TTC7A: variants seen among roughly 807,000 people sequenced by gnomAD.
The protein encoded by TTC7A is tetratricopeptide repeat domain 7A.
In TTC7A, 110 loss-of-function variants were observed where a neutral mutation model predicts 103.7. That is an observed-to-expected ratio of 1.06 (90% confidence interval 0.91 to 1.24). The LOEUF (loss-of-function observed/expected upper bound fraction) is 1.24. Ranked by LOEUF, TTC7A falls within the 50% of genes most tolerant of loss-of-function variation. The pLI, the probability that TTC7A is intolerant of heterozygous loss-of-function variation, is 0.00. For missense variants in TTC7A, 1,340 were observed against 1,116.3 expected, an observed-to-expected ratio of 1.20 and a Z score of -2.86; for synonymous variants, 521 against 467.9, an observed-to-expected ratio of 1.11 and a Z score of -1.47.
At chr2:46,983,377 G>T (rs530054123) in intron 5 of TTC7A, among the ~76,000 whole-genome samples, 2 of 152,206 alleles carry the variant, frequency 1.3e-5, no homozygotes, top group South Asian at 2.1e-4. Context: ...TCAGAGAAAC[G>T]GTGGCCTGGA....
At chr2:46,966,813 T>A (rs1387320067) in intron 3 of TTC7A, among the ~76,000 whole-genome samples, 1 of 148,676 alleles carries the variant, frequency 6.7e-6, no homozygotes, top group Non-Finnish European at 1.5e-5. Context: ...TTTTCGAAGA[T>A]AAATTCCTAG....
intron 11 of TTC7A, among the ~76,000 whole-genome samples, chr2:47,020,244 G>A (rs1679132368): frequency 6.6e-6 from 1 of 152,210 alleles, no homozygotes; most frequent in South Asian, 2.1e-4. Context: ...CAGGTGCTGA[G>A]CCAGGAGTGG....
intron 4 of TTC7A, among the ~76,000 whole-genome samples, chr2:46,975,545 C>A (rs576735510): frequency 6.6e-6 from 1 of 151,962 alleles, no homozygotes; most frequent in Admixed American, 6.5e-5. Context: ...GTCGGCAGGG[C>A]TCTGGCAGTT....
At chr2:47,067,473 G>A (rs903737997) in intron 19 of TTC7A, among the ~76,000 whole-genome samples, 1 of 152,226 alleles carries the variant, frequency 6.6e-6, no homozygotes, top group Non-Finnish European at 1.5e-5. Flanking sequence ...GCAGGGTGCT[G>A]AGAAGACAGG....
intron 8 of TTC7A, among the ~76,000 whole-genome samples, chr2:46,998,843 G>A (rs989590708): frequency 1.6e-4 from 25 of 152,100 alleles, no homozygotes; most frequent in African/African-American, 4.3e-4. Context: ...GACTATGTGC[G>A]ATCAGAATGA....
intron 2 of TTC7A, 33 bp downstream of exon 2, chr2:46,950,559 T>G (rs1290281899): frequency 6.2e-7 from 1 of 1,609,536 alleles, no homozygotes; most frequent in Non-Finnish European, 8.5e-7. Context: ...TGAGACCTCC[T>G]CTCCTCGTCT....
intron 15 of TTC7A, among the ~76,000 whole-genome samples, chr2:47,043,596 A>T (rs1681997017): frequency 1.3e-5 from 2 of 152,160 alleles, no homozygotes; most frequent in African/African-American, 4.8e-5. Context: ...ACAGAAGGTG[A>T]GGACCACAGG....
chr2:47,050,051 G>A lies in TTC7A; in HGVS notation c.2017+5G>A, dbSNP rs1360524525. On this transcript the variant is annotated splice_donor_5th_base_variant and intron_variant, in intron 17 of 19. Transcript: ENST00000319190. ...ATGCCCATGATGCAGACTCTGGTAA[G>A]AACGAGCTCCTTGGGCCACTGTGTG... 1.2e-6 allele frequency: 2 copies of A among 1,612,248 alleles called. No individual in the cohort carries two copies. The highest frequency in any genetic ancestry group is 1.7e-4 in the Middle Eastern group (1 of 6,060).
At chr2:47,000,054 GA>G (rs1260060462) in intron 8 of TTC7A, among the ~76,000 whole-genome samples, 9 of 152,180 alleles carry the variant, frequency 5.9e-5, no homozygotes, top group African/African-American at 2.2e-4. Flanking sequence ...CTGTAAAATG[GA>G]GCTAATAAGA....
At chr2:46,964,643 A>G (rs1445614256) in intron 3 of TTC7A, among the ~76,000 whole-genome samples, 1 of 152,020 alleles carries the variant, frequency 6.6e-6, no homozygotes, top group South Asian at 2.1e-4. Flanking sequence ...CAAATCACCC[A>G]CTTTTTTGTT....
intron 9 of TTC7A, 128 bp downstream of exon 9, chr2:47,006,187 G>C: frequency 8.2e-7 from 1 of 1,220,128 alleles, no homozygotes; most frequent in Non-Finnish European, 1.1e-6. Flanking sequence ...CTTTGACCTC[G>C]GCAAGTTGTA....
In TTC7A at chr2:47,060,773, G is replaced by A. The variant is rs766422348; in HGVS notation, c.2157G>A (p.Glu719=). The part of the protein sequence containing the change: ...TLEQIWLQAA[E]LFMEQQHLKE... ...ACTGCCCTTCTGCTTTTGCAGCTGA[G>A]CTGTTCATGGAGCAGCAGCACCTCA... The change falls in exon 19 of 20, where the codon GAG becomes GAA. Residue 719 remains glutamate, a synonymous_variant. Transcript: ENST00000319190. The A allele has an allele frequency of 6.3e-7, 1 of 1,599,950 alleles. No homozygotes were observed. The highest frequency in any genetic ancestry group is 1.7e-5 in the Admixed American group (1 of 59,656).
At chr2:46,946,551 G>A (rs893406660) in intron 1 of TTC7A, among the ~76,000 whole-genome samples, 1 of 152,152 alleles carries the variant, frequency 6.6e-6, no homozygotes, top group Non-Finnish European at 1.5e-5. Context: ...AGCCTTCCAA[G>A]TAGCTGGGAC....
rs1173541336 is a variant in TTC7A, at chr2:46,932,153, C to CT, written c.82+14890dup. Among the ~76,000 whole-genome samples the CT allele has an allele frequency of 3.9e-3, 557 of 144,104 alleles. 3 individuals are homozygous for CT. Among genetic ancestry groups the CT allele is most frequent in the Middle Eastern group, 0.011 (3 of 274 alleles). The allele number at this position is 144,104 out of a possible 152,430, so 94.5% of individuals were successfully genotyped here. A position where few individuals can be genotyped will look rare whatever the true frequency, so the allele number is the denominator to read the frequency against. The stretch of plus-strand genomic sequence containing the variant: ...AAAGCAATGTAGGGCTTCTGGGATT[C>CT]TTTTTTTTTTTTTTGAGACAGAGTC... On this transcript the variant is annotated intron_variant, in intron 2 of 20. Coordinates refer to the TTC7A transcript ENST00000409245.
Position 46,941,240 on chromosome 2 carries a change from C to G in TTC7A, c.-302C>G, listed in dbSNP as rs1301242523. The G allele has an allele frequency of 6.7e-6, 1 of 149,184 alleles. No homozygotes were observed. Among genetic ancestry groups the G allele is most frequent in the African/African-American group, 2.4e-5 (1 of 40,824 alleles). The allele number at this position is 149,184 out of a possible 1,614,324, so 9.2% of individuals were successfully genotyped here. A position where few individuals can be genotyped will look rare whatever the true frequency, so the allele number is the denominator to read the frequency against. On this transcript the variant is annotated 5_prime_UTR_variant, in exon 1 of 20. Transcript: ENST00000319190. The surrounding 1 kb of genome is among the most constrained non-coding windows in gnomAD (Gnocchi z 4.2). ...GCGGAGGCTGTGGCAGCAGCTGCAG[C>G]GGCGGCGGCGGCGGCAGCGCCAGGA... is the stretch of plus-strand genomic sequence containing the variant.
At chr2:47,052,326 C>T (rs1180635137) in intron 18 of TTC7A, among the ~76,000 whole-genome samples, 4 of 152,160 alleles carry the variant, frequency 2.6e-5, no homozygotes, top group Admixed American at 2.0e-4. Context: ...TGCCACCAGG[C>T]GTCTGAAGGC....
At chr2:46,953,089 T>A (rs1671549954) in intron 2 of TTC7A, among the ~76,000 whole-genome samples, 1 of 152,178 alleles carries the variant, frequency 6.6e-6, no homozygotes, top group Admixed American at 6.5e-5. Context: ...GTGCAGAAAT[T>A]TACTGTTATC....
chr2:46,968,902 T>C (rs1216950576), intron 3 of TTC7A, among the ~76,000 whole-genome samples: 1 of 151,046 alleles, frequency 6.6e-6, no homozygotes, highest in African/African-American at 2.4e-5. Flanking sequence ...CTAATTGGTC[T>C]CCACCCCAGG....
Position 47,074,047 on chromosome 2 carries a change from C to T in TTC7A, c.*124C>T. On this transcript the variant is annotated 3_prime_UTR_variant, in exon 20 of 20. Coordinates refer to ENST00000319190, the MANE Select transcript of TTC7A (RefSeq NM_020458.4). ...CAGGGAAATACATCTTTAGTGAACG[C>T]CTCTGCAGCTGCAGCCCTCGTTCTC... is the stretch of plus-strand genomic sequence containing the variant. 1 of 701,760 alleles carries T rather than the reference C, an allele frequency of 1.4e-6. No homozygotes were observed. The allele number at this position is 701,760 out of a possible 1,614,324, so 43.5% of individuals were successfully genotyped here.
Sources: gnomAD v4.1 joint callset for allele counts (sites outside exome capture counted in the v4.1 genomes callset) on GRCh38, gnomAD v4.1.1 for gene constraint, Gnocchi (gnomAD v3.1) non-coding constraint, MANE v1.5 for transcripts, NCBI Gene and HGNC (gene_info 2026-07-23, HGNC 2026-07-21) for gene names.